TFEC: variants seen among roughly 807,000 people sequenced by gnomAD.
TFEC encodes the protein class E basic helix-loop-helix protein 34.
TFEC carries 31 observed loss-of-function variants against 41.6 expected under a neutral mutation model. That is an observed-to-expected ratio of 0.74 (90% CI 0.56 to 1.01). The LOEUF is 1.01. TFEC is among the 50% of genes least tolerant of loss of function. The pLI is 0.00. For synonymous variants in TFEC, 143 were observed against 140.6 expected (o/e 1.02, Z -0.12); for missense variants, 402 against 404.1 (o/e 0.99, Z 0.04).
chr7:116,022,897 T>C (rs1795452190), intron 1 of TFEC, among the ~76,000 whole-genome samples: 1 of 152,154 alleles, frequency 6.6e-6, no homozygotes, highest in African/African-American at 2.4e-5. Flanking sequence ...CCCCGTGAGG[T>C]AGATCAGGTT....
At chr7:116,096,431 G>A (rs1290490724) in intron 3 of TFEC, among the ~76,000 whole-genome samples, 1 of 151,978 alleles carries the variant, frequency 6.6e-6, no homozygotes, top group Non-Finnish European at 1.5e-5. Context: ...TAAAACAAAA[G>A]AAAAAAGGAA....
intron 1 of TFEC, among the ~76,000 whole-genome samples, chr7:116,117,838 C>T (rs1408446973): frequency 6.6e-6 from 1 of 151,882 alleles, no homozygotes; most frequent in South Asian, 2.1e-4. Flanking sequence ...AGCCACATCA[C>T]TGAGTTATTG....
chr7:116,041,881 G>A (rs1796045655), intron 3 of TFEC, among the ~76,000 whole-genome samples: 1 of 152,136 alleles, frequency 6.6e-6, no homozygotes, highest in Non-Finnish European at 1.5e-5. Flanking sequence ...GGACAGAGCT[G>A]CATGATCAGC....
At chr7:116,083,646 T>A (rs1235497826) in intron 3 of TFEC, among the ~76,000 whole-genome samples, 1 of 151,966 alleles carries the variant, frequency 6.6e-6, no homozygotes, top group Non-Finnish European at 1.5e-5. Context: ...CTTCTCACCA[T>A]GGTCTTAAAT....
At chr7:116,111,996 T>C (rs1262090942) in exon 2 of TFEC, 1 of 986,898 alleles carries the variant, frequency 1.0e-6, no homozygotes, top group Non-Finnish European at 1.2e-6. Flanking sequence ...GCATACCTTT[T>C]ACTTTCTGAT....
At chr7:116,068,301 A>C (rs539738443) in intron 3 of TFEC, among the ~76,000 whole-genome samples, 6 of 151,932 alleles carry the variant, frequency 3.9e-5, no homozygotes, top group Non-Finnish European at 7.4e-5. Context: ...TAACTACATC[A>C]ATGTTACTAA....
At chr7:116,002,090 G>A (rs951520735) in intron 1 of TFEC, among the ~76,000 whole-genome samples, 7 of 152,178 alleles carry the variant, frequency 4.6e-5, no homozygotes, top group African/African-American at 1.7e-4. Context: ...ATGTAAGTTA[G>A]TACAACCACT....
At position 116,003,615 on chromosome 7, in the gene TFEC, C is replaced by G. The variant is rs147239475; in HGVS notation, c.-72-19102G>C. Among the ~76,000 whole-genome samples the G allele has an allele frequency of 2.3e-3, 343 of 152,010 alleles. 5 individuals are homozygous for G. Among genetic ancestry groups the G allele is most frequent in the South Asian group, 0.014 (66 of 4,818 alleles). ...AAATCAGTATGGAGATAGTTAAAGA[C>G]AACAAAAGTATCAATCAGACAGACA... On this transcript the variant is annotated intron_variant, in intron 1 of 7. Coordinates refer to ENST00000265440, the MANE Select transcript of TFEC (RefSeq NM_012252.4).
intron 1 of TFEC, among the ~76,000 whole-genome samples, chr7:115,990,146 A>G (rs1562916671): frequency 6.6e-6 from 1 of 152,232 alleles, no homozygotes; most frequent in African/African-American, 2.4e-5. Context: ...AAACTCCAAC[A>G]GACCTGCAGC....
At chr7:116,050,535 C>T (rs1281811858) in intron 3 of TFEC, among the ~76,000 whole-genome samples, 1 of 152,204 alleles carries the variant, frequency 6.6e-6, no homozygotes, top group Non-Finnish European at 1.5e-5. Flanking sequence ...AGCCAACAGA[C>T]ACATCAAAAA....
chr7:115,988,156 TCCTG>T (rs1377101871), intron 1 of TFEC, among the ~76,000 whole-genome samples: 3 of 152,108 alleles, frequency 2.0e-5, no homozygotes, highest in Non-Finnish European at 4.4e-5. Flanking sequence ...ATCCAGTACA[TCCTG>T]CCTATCAAAA....
At chr7:116,109,370 T>G (rs1273884071) in intron 3 of TFEC, among the ~76,000 whole-genome samples, 1 of 151,978 alleles carries the variant, frequency 6.6e-6, no homozygotes, top group African/African-American at 2.4e-5. Context: ...CTCAAACAAA[T>G]TTACAAGAAA....
rs1267525762 is a variant in TFEC, at chr7:115,937,091, A to C, written c.*3460T>G. 6.6e-6 allele frequency: 1 copy of C among 151,668 alleles called. No homozygotes were observed. The highest frequency in any genetic ancestry group is 1.5e-5 in the Non-Finnish European group (1 of 67,696). 9.4% of individuals were successfully genotyped at this position (151,668 alleles called of 1,614,324 possible). A position where few individuals can be genotyped will look rare whatever the true frequency, so the allele number is the denominator to read the frequency against. The stretch of plus-strand genomic sequence containing the variant: ...ATTGGAAGTTGGAAAGGGCTGTTTA[A>C]TGTGAATCCAAGAAAAAGCAGCCAA... On this transcript the variant is annotated 3_prime_UTR_variant, in exon 8 of 8. Transcript: ENST00000265440.
intron 1 of TFEC, chr7:116,159,670 A>G (rs983179795): frequency 1.3e-5 from 2 of 152,178 alleles, no homozygotes; most frequent in Non-Finnish European, 2.9e-5. Context: ...GTAAGTTAAA[A>G]GTTAATAATC....
chr7:116,109,179 T>C (rs1028332599), intron 3 of TFEC, among the ~76,000 whole-genome samples: 14 of 151,850 alleles, frequency 9.2e-5, no homozygotes, highest in African/African-American at 3.1e-4. Flanking sequence ...ACTTCATGTC[T>C]AAAACACCAA....
Position 115,940,360 on chromosome 7 carries a change from G to C in TFEC, c.*191C>G. 1 of 553,444 alleles carries C rather than the reference G, an allele frequency of 1.8e-6. No homozygotes were observed. Among genetic ancestry groups the C allele is most frequent in the Non-Finnish European group, 2.9e-6 (1 of 340,332 alleles). 34.3% of individuals were successfully genotyped at this position (553,444 alleles called of 1,614,324 possible). On this transcript the variant is annotated 3_prime_UTR_variant, in exon 8 of 8. Coordinates refer to ENST00000265440, the MANE Select transcript of TFEC (RefSeq NM_012252.4). ...TCAAAGAAGAAAACACCTTTTTTTC[G>C]CCCTCAATAATTCATTAACACTATG...
At chr7:116,114,004 A>C (rs552782302) in intron 1 of TFEC, among the ~76,000 whole-genome samples, 1 of 152,150 alleles carries the variant, frequency 6.6e-6, no homozygotes, top group East Asian at 1.9e-4. Flanking sequence ...TGCTATCCAA[A>C]TAAGGGAGAA....
chr7:116,096,335 A>G (rs751561067), intron 3 of TFEC, among the ~76,000 whole-genome samples: 1 of 152,230 alleles, frequency 6.6e-6, no homozygotes, highest in Non-Finnish European at 1.5e-5. Flanking sequence ...CTTGTCAAAT[A>G]GTCTCATATT....
intron 2 of TFEC, among the ~76,000 whole-genome samples, chr7:115,979,266 C>T (rs117459880): frequency 1.2e-3 from 186 of 152,162 alleles, no homozygotes; most frequent in Middle Eastern, 6.8e-3. Flanking sequence ...GAGTACTAGC[C>T]TCTCTGTAAT....
Sources: allele counts gnomAD v4.1 joint callset (sites outside exome capture counted in the v4.1 genomes callset), GRCh38; gene constraint gnomAD v4.1.1; transcripts MANE v1.5; gene names NCBI Gene and HGNC (gene_info 2026-07-23, HGNC 2026-07-21).